The following POLR1E variants were observed in gnomAD, a reference collection of about 807,000 sequenced individuals.
The protein encoded by POLR1E is DNA-directed RNA polymerase I subunit RPA49.
POLR1E carries 37 observed loss-of-function variants against 50.9 expected under a neutral mutation model. That is an observed-to-expected ratio of 0.73 (90% CI 0.56 to 0.96). The LOEUF is 0.96. Ranked by LOEUF, POLR1E falls within the 40% of genes least tolerant of loss-of-function variation. POLR1E has a pLI of 0.00. For synonymous variants in POLR1E, 166 were observed against 191.6 expected, an observed-to-expected ratio of 0.87 and a Z score of 1.10; for missense variants, 426 against 518.1, an observed-to-expected ratio of 0.82 and a Z score of 1.73.
At chr9:37,498,014 CGTT>C (rs1371785707) in intron 8 of POLR1E, 74 bp from the exon 9 acceptor site, 8 of 1,516,350 alleles carry the variant, frequency 5.3e-6, no homozygotes, top group Non-Finnish European at 4.5e-6. Context: ...CTGCTGTTCT[CGTT>C]GTAAGAGGGA....
chr9:37,486,550 A>C, intron 1 of POLR1E, 153 bp from the exon 2 acceptor site: 1 of 1,587,894 alleles, frequency 6.3e-7, no homozygotes, highest in Non-Finnish European at 8.6e-7. Context: ...CTGGCCCCGG[A>C]TCTCCTCCAG....
At chr9:37,500,725 C>A in intron 9 of POLR1E, 115 bp from the exon 10 acceptor site, 1 of 719,918 alleles carries the variant, frequency 1.4e-6, no homozygotes, top group Non-Finnish European at 2.4e-6. Context: ...CTTCTCTTAC[C>A]ACCTGGTTCT....
At chr9:37,502,066 C>T (rs1361630938) in intron 11 of POLR1E, among the ~76,000 whole-genome samples, 2 of 152,240 alleles carry the variant, frequency 1.3e-5, no homozygotes, top group Non-Finnish European at 2.9e-5. Context: ...CATTATCTCA[C>T]TGATTTCCCT....
intron 5 of POLR1E, 58 bp downstream of exon 5, chr9:37,492,773 T>A: frequency 6.7e-7 from 1 of 1,490,578 alleles, no homozygotes; most frequent in East Asian, 2.3e-5. Flanking sequence ...ACACCTCGGG[T>A]TTCTCCATCA....
At chr9:37,490,974 G>A (rs1344597860) in intron 4 of POLR1E, 2 of 289,984 alleles carry the variant, frequency 6.9e-6, no homozygotes, top group Non-Finnish European at 1.3e-5. Flanking sequence ...GGGGTAAAGA[G>A]GTTTTAGAAT....
At chr9:37,489,234 TC>T in intron 3 of POLR1E, 80 bp from the exon 4 acceptor site, 3 of 972,412 alleles carry the variant, frequency 3.1e-6, no homozygotes, top group East Asian at 3.0e-5. Flanking sequence ...AGACTCTGTC[TC>T]AAAAAAAAAA....
chr9:37,488,958 G>A (rs891271505), intron 3 of POLR1E, among the ~76,000 whole-genome samples: 1 of 152,120 alleles, frequency 6.6e-6, no homozygotes, highest in African/African-American at 2.4e-5. Context: ...AGGAAACAGG[G>A]CCAGGTGCAG....
intron 8 of POLR1E, among the ~76,000 whole-genome samples, chr9:37,496,623 C>CTTTTTTTTT (rs376455174): frequency 8.9e-6 from 1 of 112,472 alleles, no homozygotes. Flanking sequence ...ATTATTATTT[C>CTTTTTTTTT]TTTTTTTTTT....
chr9:37,500,773 A>G, intron 9 of POLR1E, 67 bp from the exon 10 acceptor site: 3 of 1,332,384 alleles, frequency 2.3e-6, no homozygotes, highest in Non-Finnish European at 3.2e-6. Context: ...CTTTTCTCTT[A>G]GCTCATGGTT....
At chr9:37,500,570 G>A (rs1457551904) in intron 9 of POLR1E, among the ~76,000 whole-genome samples, 1 of 152,190 alleles carries the variant, frequency 6.6e-6, no homozygotes, top group Non-Finnish European at 1.5e-5. Context: ...CTAAGGTCAT[G>A]TTAACTCTGG....
intron 4 of POLR1E, among the ~76,000 whole-genome samples, chr9:37,490,015 A>C (rs1820651493): frequency 6.9e-6 from 1 of 144,004 alleles, no homozygotes; most frequent in Admixed American, 7.1e-5. Context: ...GGTTCATAAA[A>C]GCAATCTGAG....
In POLR1E at chr9:37,486,727, A is replaced by G. The variant is rs750168456; in HGVS notation, c.101A>G (p.Gln34Arg). The G allele has an allele frequency of 7.4e-6, 12 of 1,614,258 alleles. No individual in the cohort carries two copies. The highest frequency in any genetic ancestry group is 1.0e-5 in the Non-Finnish European group (12 of 1,180,038). The change falls in exon 2 of 12, where the codon CAG (glutamine) becomes CGG (arginine). Residue 34 changes from glutamine to arginine, a missense_variant. Coordinates refer to ENST00000377798, the MANE Select transcript of POLR1E (RefSeq NM_022490.4). The stretch of plus-strand genomic sequence containing the variant: ...GTCCAGTTCTCCAACGGGAAGCTAC[A>G]GAGTCCAGGCAACATGCGCTTTACC... ...VLVQFSNGKL[Q>R]SPGNMRFTLY...
intron 10 of POLR1E, 71 bp downstream of exon 10, chr9:37,500,992 G>A (rs1282589147): frequency 7.3e-7 from 1 of 1,374,682 alleles, no homozygotes. Flanking sequence ...GAGGAGCAGG[G>A]GCTTGGACTC....
At chr9:37,491,405 A>C (rs577112254) in intron 4 of POLR1E, among the ~76,000 whole-genome samples, 7 of 152,298 alleles carry the variant, frequency 4.6e-5, no homozygotes, top group African/African-American at 1.7e-4. Context: ...CTTCTGAGAA[A>C]CATATATGAT....
chr9:37,490,923 T>C, intron 4 of POLR1E: 1 of 466,622 alleles, frequency 2.1e-6, no homozygotes, highest in Admixed American at 2.5e-5. Flanking sequence ...ATGGCAGTTC[T>C]GGCCGAAAGG....
At chr9:37,496,613 A>ATTTCTTTTTTTTTTTTTTTTTTTTT (rs1321205467) in intron 8 of POLR1E, among the ~76,000 whole-genome samples, 1 of 63,842 alleles carries the variant, frequency 1.6e-5, no homozygotes, top group African/African-American at 9.2e-5. Flanking sequence ...TGGAATTATT[A>ATTTCTTTTTTTTTTTTTTTTTTTTT]TTATTATTTC....
At chr9:37,489,155 T>C (rs1470723115) in intron 3 of POLR1E, among the ~76,000 whole-genome samples, 160 bp from the exon 4 acceptor site, 1 of 151,874 alleles carries the variant, frequency 6.6e-6, no homozygotes, top group African/African-American at 2.4e-5. Context: ...GGAGAATTGC[T>C]TGAACCCGGG....
At chr9:37,493,735 C>A (rs772157754) in intron 6 of POLR1E, 32 bp downstream of exon 6, 3 of 1,437,988 alleles carry the variant, frequency 2.1e-6, no homozygotes, top group African/African-American at 2.9e-5. Flanking sequence ...TAAGAGTCTG[C>A]CCATAATGAC....
chr9:37,502,452 AG>A (rs1202638496), intron 11 of POLR1E, among the ~76,000 whole-genome samples: 1 of 152,196 alleles, frequency 6.6e-6, no homozygotes, highest in Admixed American at 6.5e-5. Context: ...GTGACCTTTT[AG>A]GCTCCATCTA....
Sources: gnomAD v4.1 joint callset for allele counts (sites outside exome capture counted in the v4.1 genomes callset) on GRCh38, gnomAD v4.1.1 for gene constraint, MANE v1.5 for transcripts, NCBI Gene and HGNC (gene_info 2026-07-23, HGNC 2026-07-21) for gene names.